Variants in PTPRD observed in about 807,000 individuals in gnomAD.
The protein encoded by PTPRD is receptor-type tyrosine-protein phosphatase delta.
In PTPRD, 34 loss-of-function variants were observed where a neutral mutation model predicts 214.5. That is an observed-to-expected ratio of 0.16 (90% CI 0.12 to 0.21). The LOEUF (loss-of-function observed/expected upper bound fraction) is 0.21. PTPRD is among the 10% of genes least tolerant of loss of function. PTPRD has a pLI of 1.00. For missense variants in PTPRD, 2,545 were observed against 2,398.7 expected, an observed-to-expected ratio of 1.06 and a Z score of -1.27; for synonymous variants, 1,128 against 845.7, an observed-to-expected ratio of 1.33 and a Z score of -5.79.
At chr9:9,300,641 T>C (rs1175489248) in intron 9 of PTPRD, among the ~76,000 whole-genome samples, 1 of 151,782 alleles carries the variant, frequency 6.6e-6, no homozygotes, top group African/African-American at 2.4e-5. Context: ...GAGAGCTCTC[T>C]CACCTCTGTC....
intron 2 of PTPRD, among the ~76,000 whole-genome samples, chr9:10,370,704 T>C (rs1392533382): frequency 5.9e-5 from 9 of 152,098 alleles, no homozygotes; most frequent in Non-Finnish European, 8.8e-5. Flanking sequence ...ATTAAGAAGC[T>C]AGAATTTTTT....
intron 4 of PTPRD, among the ~76,000 whole-genome samples, chr9:10,010,514 TGATGAGTTCCATAG>T (rs2096575314): frequency 6.6e-6 from 1 of 151,720 alleles, no homozygotes; most frequent in Admixed American, 6.6e-5. Context: ...ATTCAGGTAT[TGATGAGTTCCATAG>T]GATGAGTTCC....
rs549500282 is a variant in PTPRD, at chr9:10,380,481, C to T, written c.-599-39464G>A. On this transcript the variant is annotated intron_variant, in intron 2 of 45. Coordinates refer to ENST00000381196, the MANE Select transcript of PTPRD (RefSeq NM_002839.4). ...GCATCAGAAAGGTTTATTTAGCAGG[C>T]CTCTAAAAACGAAACACATATCATA... is the stretch of plus-strand genomic sequence containing the variant. Among the ~76,000 whole-genome samples, 43 of 152,070 alleles carry T rather than the reference C, an allele frequency of 2.8e-4. 1 individual carries two copies. Among genetic ancestry groups the T allele is most frequent in the South Asian group, 2.3e-3 (11 of 4,818 alleles).
rs143710412 is a variant in PTPRD at position 8,540,516 on chromosome 9, T to C, written c.353-11737A>G. Among the ~76,000 whole-genome samples, 104 of 152,264 alleles carry C rather than the reference T, an allele frequency of 6.8e-4. 1 individual carries two copies. The highest frequency in any genetic ancestry group is 2.3e-3 in the African/African-American group (95 of 41,566). ...AAAAGAAAATGTGAGAAATCAATAT[T>C]CTAATAACATAATGCACGTTTATTA... On this transcript the variant is annotated intron_variant, in intron 14 of 45. Coordinates refer to ENST00000381196, the MANE Select transcript of PTPRD (RefSeq NM_002839.4).
intron 10 of PTPRD, among the ~76,000 whole-genome samples, chr9:9,165,354 G>A (rs906809003): frequency 2.6e-5 from 4 of 152,158 alleles, no homozygotes; most frequent in African/African-American, 9.7e-5. Context: ...TTTATGTAAG[G>A]CATTGCCTTC....
intron 10 of PTPRD, among the ~76,000 whole-genome samples, chr9:9,022,992 G>C (rs1268075567): frequency 6.6e-6 from 1 of 152,056 alleles, no homozygotes; most frequent in Non-Finnish European, 1.5e-5. Flanking sequence ...TGGTAGATTT[G>C]GTTTTGTTGG....
chr9:10,531,297 A>T (rs1360004424), intron 2 of PTPRD, among the ~76,000 whole-genome samples: 1 of 152,114 alleles, frequency 6.6e-6, no homozygotes, highest in African/African-American at 2.4e-5. Flanking sequence ...CAGACTTAAA[A>T]GATCTACATC....
At chr9:9,395,615 T>C (rs1411549340) in intron 9 of PTPRD, among the ~76,000 whole-genome samples, 1 of 152,038 alleles carries the variant, frequency 6.6e-6, no homozygotes, top group East Asian at 1.9e-4. Flanking sequence ...AGTGGCAGAT[T>C]TCCTTGCACC....
At chr9:10,599,605 C>G (rs1017349783) in intron 2 of PTPRD, among the ~76,000 whole-genome samples, 9 of 151,676 alleles carry the variant, frequency 5.9e-5, no homozygotes, top group Non-Finnish European at 2.9e-5. Context: ...CCACTGTTTG[C>G]CAGGACAAAT....
chr9:9,109,555 T>C (rs1377217425), intron 10 of PTPRD, among the ~76,000 whole-genome samples: 1 of 152,230 alleles, frequency 6.6e-6, no homozygotes, highest in East Asian at 1.9e-4. Flanking sequence ...TGGCCATCAA[T>C]ATAATTGTTA....
At chr9:10,450,940 C>T (rs887937063) in intron 2 of PTPRD, among the ~76,000 whole-genome samples, 1 of 151,976 alleles carries the variant, frequency 6.6e-6, no homozygotes, top group African/African-American at 2.4e-5. Flanking sequence ...ATAAAAATCT[C>T]TAAGTACTCT....
chr9:8,685,724 G>T (rs528924184), intron 12 of PTPRD, among the ~76,000 whole-genome samples: 3 of 152,202 alleles, frequency 2.0e-5, no homozygotes, highest in Non-Finnish European at 4.4e-5. Flanking sequence ...CAACAGCACA[G>T]CCACAGAAGA....
At chr9:10,497,658 AT>A (rs534588212) in intron 2 of PTPRD, among the ~76,000 whole-genome samples, 8 of 152,166 alleles carry the variant, frequency 5.3e-5, no homozygotes, top group African/African-American at 1.9e-4. Context: ...ATGCTAAATT[AT>A]TTTGAAATTT....
intron 11 of PTPRD, among the ~76,000 whole-genome samples, chr9:8,779,836 T>A (rs2095625733): frequency 6.9e-6 from 1 of 145,874 alleles, no homozygotes. Flanking sequence ...TTTTTTTTGG[T>A]CCTAAGGATA....
chr9:8,940,231 G>C (rs2099022932), intron 11 of PTPRD, among the ~76,000 whole-genome samples: 2 of 142,360 alleles, frequency 1.4e-5, no homozygotes, highest in African/African-American at 5.1e-5. Context: ...TCTTTCCCCA[G>C]AAGACTAAAT....
At chr9:10,600,425 G>A (rs1305904820) in intron 2 of PTPRD, among the ~76,000 whole-genome samples, 1 of 151,688 alleles carries the variant, frequency 6.6e-6, no homozygotes, top group East Asian at 1.9e-4. Context: ...TAAGATTGAT[G>A]AGAGTAACTC....
chr9:9,888,960 G>T (rs76648509), intron 5 of PTPRD, among the ~76,000 whole-genome samples: 2,439 of 152,202 alleles, frequency 0.016, 63 homozygotes, highest in African/African-American at 0.056. Context: ...GCACCCAAAA[G>T]TATGCTGAAA....
intron 3 of PTPRD, among the ~76,000 whole-genome samples, chr9:10,038,734 T>G (rs1232733009): frequency 6.6e-6 from 1 of 152,110 alleles, no homozygotes; most frequent in African/African-American, 2.4e-5. Context: ...GGACTCACTT[T>G]ATATTTTTCT....
At position 9,775,541 on chromosome 9, in the gene PTPRD, T is replaced by G. The variant is rs541147219; in HGVS notation, c.-367-8690A>C. 1.3e-3 allele frequency among the ~76,000 whole-genome samples: 203 copies of G among 152,330 alleles called. 1 individual carries two copies. The highest frequency in any genetic ancestry group is 2.3e-3 in the Non-Finnish European group (155 of 68,028). ...TTCTTCTGGAGAGAAGAGTAGTAGA[T>G]AAAAGATTCATGCAGCATTCAGAGG... On this transcript the variant is annotated intron_variant, in intron 5 of 45. Coordinates refer to ENST00000381196, the MANE Select transcript of PTPRD (RefSeq NM_002839.4).
Sources: allele counts gnomAD v4.1 joint callset (sites outside exome capture counted in the v4.1 genomes callset), GRCh38; gene constraint gnomAD v4.1.1; transcripts MANE v1.5; gene names NCBI Gene and HGNC (gene_info 2026-07-23, HGNC 2026-07-21).